TMTC1: variants seen among roughly 807,000 people sequenced by gnomAD.
TMTC1 encodes the protein transmembrane O-mannosyltransferase targeting cadherins 1, also known as protein O-mannosyl-transferase TMTC1.
Under a neutral mutation model 104.8 loss-of-function variants are expected in TMTC1, and 73 were observed. The observed-to-expected ratio is 0.70, with a 90% CI of 0.58 to 0.85. The LOEUF is 0.85. TMTC1 is among the 40% of genes least tolerant of loss of function. The pLI, the probability that TMTC1 is intolerant of heterozygous loss-of-function variation, is 0.00. For missense variants in TMTC1, 1,035 were observed against 1,096.1 expected, an observed-to-expected ratio of 0.94 and a Z score of 0.79; for synonymous variants, 434 against 428.7, an observed-to-expected ratio of 1.01 and a Z score of -0.15.
intron 5 of TMTC1, among the ~76,000 whole-genome samples, chr12:29,734,612 C>A (rs1443596782): frequency 6.6e-6 from 1 of 152,138 alleles, no homozygotes; most frequent in Non-Finnish European, 1.5e-5. Flanking sequence ...TTTAAAATAC[C>A]TGAGCAAAAT....
chr12:29,701,908 T>C (rs1295186332), intron 5 of TMTC1, among the ~76,000 whole-genome samples: 1 of 152,196 alleles, frequency 6.6e-6, no homozygotes. Flanking sequence ...ATGAAAATAA[T>C]AAACCAATAC....
intron 11 of TMTC1, among the ~76,000 whole-genome samples, chr12:29,527,412 G>C (rs867058480): frequency 6.6e-6 from 1 of 152,210 alleles, no homozygotes. Context: ...AGGCAATAAT[G>C]TAGCTGTGGG....
chr12:29,641,411 C>A (rs1276175100), intron 5 of TMTC1, among the ~76,000 whole-genome samples: 1 of 152,154 alleles, frequency 6.6e-6, no homozygotes, highest in Non-Finnish European at 1.5e-5. Flanking sequence ...CGGTTCATAT[C>A]ACAGGACTCT....
intron 4 of TMTC1, among the ~76,000 whole-genome samples, chr12:29,754,685 G>C (rs1943174055): frequency 6.6e-6 from 1 of 152,138 alleles, no homozygotes; most frequent in African/African-American, 2.4e-5. Context: ...GCACGAGTTT[G>C]GGTCAAAGTG....
At chr12:29,645,007 C>T (rs1277138122) in intron 5 of TMTC1, among the ~76,000 whole-genome samples, 1 of 152,172 alleles carries the variant, frequency 6.6e-6, no homozygotes, top group East Asian at 1.9e-4. Context: ...CTGTAACTGT[C>T]CATGAATGTG....
intron 5 of TMTC1, among the ~76,000 whole-genome samples, chr12:29,737,821 C>G (rs1942721125): frequency 6.6e-6 from 1 of 152,186 alleles, no homozygotes. Context: ...ACCTACTTCC[C>G]AAGGGCGTGG....
At chr12:29,777,715 T>C (rs1943744351) in intron 1 of TMTC1, among the ~76,000 whole-genome samples, 1 of 152,182 alleles carries the variant, frequency 6.6e-6, no homozygotes, top group African/African-American at 2.4e-5. Flanking sequence ...CAGTTTTTCA[T>C]TTTTCTTTAT....
chr12:29,511,459 C>T (rs911530765), intron 17 of TMTC1, among the ~76,000 whole-genome samples: 2 of 151,976 alleles, frequency 1.3e-5, no homozygotes, highest in African/African-American at 2.4e-5. Context: ...TGAATGATGG[C>T]GAATCGTTCA....
In TMTC1 at chr12:29,598,807, A is replaced by G. The variant is rs544634592; in HGVS notation, c.1250+5371T>C. On this transcript the variant is annotated intron_variant, in intron 7 of 17. Transcript: ENST00000539277. ...TCCTGCAACGCTAATGAATTCATTT[A>G]TTAGTTCTGTTTTTCAGTGGAGTTT... is the stretch of plus-strand genomic sequence containing the variant. 1.2e-4 allele frequency among the ~76,000 whole-genome samples: 18 copies of G among 152,290 alleles called. 2 individuals are homozygous for G. Among genetic ancestry groups the G allele is most frequent in the African/African-American group, 4.3e-4 (18 of 41,580 alleles).
At chr12:29,717,448 C>T (rs1942116365) in intron 5 of TMTC1, among the ~76,000 whole-genome samples, 1 of 152,186 alleles carries the variant, frequency 6.6e-6, no homozygotes, top group Non-Finnish European at 1.5e-5. Context: ...GGCTCAGCCT[C>T]AGTTGCAACC....
intron 8 of TMTC1, among the ~76,000 whole-genome samples, chr12:29,573,203 G>C (rs1945729974): frequency 6.6e-6 from 1 of 152,162 alleles, no homozygotes; most frequent in East Asian, 1.9e-4. Context: ...CTCAACAATG[G>C]AGGGTGATAA....
At chr12:29,573,844 G>A (rs936543526) in intron 8 of TMTC1, among the ~76,000 whole-genome samples, 8 of 152,082 alleles carry the variant, frequency 5.3e-5, no homozygotes, top group African/African-American at 1.9e-4. Flanking sequence ...GTTATCTGAA[G>A]AGCAGCAGAG....
At chr12:29,565,408 C>T (rs1272396258) in intron 9 of TMTC1, among the ~76,000 whole-genome samples, 15 of 152,248 alleles carry the variant, frequency 9.9e-5, no homozygotes, top group Admixed American at 7.2e-4. Context: ...AATTATCCAT[C>T]GCAAGTCTAC....
At chr12:29,579,271 C>T (rs1313458615) in intron 8 of TMTC1, among the ~76,000 whole-genome samples, 1 of 152,160 alleles carries the variant, frequency 6.6e-6, no homozygotes, top group Non-Finnish European at 1.5e-5. Context: ...ACTAATGTGT[C>T]CATGTGTTTA....
At chr12:29,759,223 G>T (rs1022887288) in intron 2 of TMTC1, among the ~76,000 whole-genome samples, 1 of 152,202 alleles carries the variant, frequency 6.6e-6, no homozygotes, top group African/African-American at 2.4e-5. Context: ...GGGCCGGGCA[G>T]GATGGCTCAC....
At chr12:29,714,865 G>C (rs980216876) in intron 5 of TMTC1, among the ~76,000 whole-genome samples, 2 of 152,214 alleles carry the variant, frequency 1.3e-5, no homozygotes, top group African/African-American at 4.8e-5. Context: ...GCCACACAAA[G>C]ACTTTCCAGA....
intron 5 of TMTC1, chr12:29,661,377 C>A: frequency 3.1e-6 from 3 of 974,616 alleles, no homozygotes; most frequent in Non-Finnish European, 3.7e-6. Flanking sequence ...AGATCTCTTA[C>A]CTCTAAAAAT....
At chr12:29,731,317 C>T (rs1028389918) in intron 5 of TMTC1, among the ~76,000 whole-genome samples, 2 of 152,144 alleles carry the variant, frequency 1.3e-5, no homozygotes, top group Admixed American at 6.6e-5. Flanking sequence ...CCACCATGCC[C>T]GGCTAATTTC....
chr12:29,768,285 A>G (rs1238779581), intron 1 of TMTC1, among the ~76,000 whole-genome samples: 2 of 152,194 alleles, frequency 1.3e-5, no homozygotes, highest in East Asian at 3.9e-4. Context: ...ATCCATGCAT[A>G]TACAATACAA....
Sources: allele counts gnomAD v4.1 joint callset (sites outside exome capture counted in the v4.1 genomes callset), GRCh38; gene constraint gnomAD v4.1.1; transcripts MANE v1.5; gene names NCBI Gene and HGNC (gene_info 2026-07-23, HGNC 2026-07-21).